Variants in RAP1A observed in about 807,000 individuals in gnomAD.
The protein encoded by RAP1A is RAP1A, member of RAS oncogene family.
A neutral mutation model predicts 26.4 loss-of-function variants in RAP1A; 6 were observed. The observed-to-expected ratio is 0.23, with a 90% CI of 0.12 to 0.45. The LOEUF (loss-of-function observed/expected upper bound fraction) is 0.45, where lower values mean the gene tolerates loss of function less well. Ranked by LOEUF, RAP1A falls within the 20% of genes least tolerant of loss-of-function variation. The probability of loss-of-function intolerance (pLI) is 0.99; values close to 1 mark genes in which losing one functional copy is unlikely to be tolerated. For missense variants in RAP1A, 121 were observed against 217.2 expected, an observed-to-expected ratio of 0.56 and a Z score of 2.78; for synonymous variants, 73 against 79.4, an observed-to-expected ratio of 0.92 and a Z score of 0.43.
intron 1 of RAP1A, among the ~76,000 whole-genome samples, chr1:111,607,082 A>T (rs1263415137): frequency 1.3e-5 from 2 of 150,676 alleles, no homozygotes; most frequent in Non-Finnish European, 3.0e-5. Flanking sequence ...GGGATTTGGC[A>T]GGGTCATAGG....
At chr1:111,601,273 C>T (rs1658665464) in intron 1 of RAP1A, among the ~76,000 whole-genome samples, 1 of 152,162 alleles carries the variant, frequency 6.6e-6, no homozygotes, top group Non-Finnish European at 1.5e-5. Flanking sequence ...ATTTCAACCA[C>T]ACCGATTGTC....
At chr1:111,647,578 T>A (rs1216391062) in intron 1 of RAP1A, among the ~76,000 whole-genome samples, 1 of 151,824 alleles carries the variant, frequency 6.6e-6, no homozygotes, top group East Asian at 1.9e-4. Context: ...TATCAGGGAC[T>A]ATTATAACAT....
At chr1:111,664,474 C>T (rs1660742609) in intron 1 of RAP1A, among the ~76,000 whole-genome samples, 1 of 150,594 alleles carries the variant, frequency 6.6e-6, no homozygotes. Flanking sequence ...GCCACCTAGA[C>T]TTTTTTTTAA....
intron 1 of RAP1A, chr1:111,608,561 G>A (rs569138271): frequency 5.9e-6 from 1 of 170,242 alleles, no homozygotes; most frequent in South Asian, 1.0e-4. Flanking sequence ...GCTGGGAGGT[G>A]GAGGTTGTAG....
intron 1 of RAP1A, among the ~76,000 whole-genome samples, chr1:111,601,198 T>C (rs1310036217): frequency 1.3e-5 from 2 of 152,212 alleles, no homozygotes; most frequent in Non-Finnish European, 2.9e-5. Context: ...TGCTTCTCTT[T>C]GGTGAGGCCG....
chr1:111,625,059 G>A (rs994120193), intron 1 of RAP1A, among the ~76,000 whole-genome samples: 7 of 152,150 alleles, frequency 4.6e-5, no homozygotes, highest in Admixed American at 4.6e-4. Flanking sequence ...GTAATCATAT[G>A]TTTTAGTGTC....
At position 111,677,553 on chromosome 1, in the gene RAP1A, G is replaced by A. The variant is rs150493462; in HGVS notation, c.-27-13781G>A. On this transcript the variant is annotated intron_variant, in intron 1 of 7. Coordinates refer to ENST00000369709, the MANE Select transcript of RAP1A (RefSeq NM_002884.4). ...CGAGGCTGCAGATATTTGTTTTAAG[G>A]CTAAAATCAAGATAAGCTTCAAAGG... Among the ~76,000 whole-genome samples, 263 of 152,268 alleles carry A rather than the reference G, an allele frequency of 1.7e-3. 2 individuals carry two copies. The highest frequency in any genetic ancestry group is 5.9e-3 in the African/African-American group (246 of 41,550).
At chr1:111,709,961 C>G (rs1662325957) in intron 7 of RAP1A, among the ~76,000 whole-genome samples, 1 of 152,132 alleles carries the variant, frequency 6.6e-6, no homozygotes. Context: ...TCCTATATGT[C>G]TTTGTGCACA....
chr1:111,568,711 A>G (rs2101054013), intron 1 of RAP1A, among the ~76,000 whole-genome samples: 1 of 152,138 alleles, frequency 6.6e-6, no homozygotes, highest in South Asian at 2.1e-4. Flanking sequence ...TCACATGCAG[A>G]TTTTTTCAAT....
At chr1:111,656,032 CAA>C (rs1048669745) in intron 1 of RAP1A, among the ~76,000 whole-genome samples, 5 of 151,268 alleles carry the variant, frequency 3.3e-5, no homozygotes, top group Admixed American at 2.6e-4. Context: ...GAATATAAGA[CAA>C]AGAAAAAAAT....
At chr1:111,550,601 T>C (rs911722651) in intron 1 of RAP1A, among the ~76,000 whole-genome samples, 1 of 152,234 alleles carries the variant, frequency 6.6e-6, no homozygotes, top group African/African-American at 2.4e-5. Flanking sequence ...CCACTGTTGT[T>C]TAAGAGTTTC....
upstream of RAP1A, among the ~76,000 whole-genome samples, chr1:111,616,018 G>A (rs910343800): frequency 6.6e-6 from 1 of 152,150 alleles, no homozygotes; most frequent in Admixed American, 6.5e-5. Context: ...GAGGAAGATG[G>A]ATTAAAGGAG....
intron 1 of RAP1A, among the ~76,000 whole-genome samples, chr1:111,641,648 T>C (rs778167250): frequency 2.2e-4 from 34 of 152,116 alleles, no homozygotes; most frequent in Admixed American, 3.9e-4. Context: ...TGTGTGTGTG[T>C]GCGCGCGCAT....
Position 111,714,459 on chromosome 1 carries a change from T to C in RAP1A, c.*2058T>C, listed in dbSNP as rs1662474981. Reference sequence around the variant, plus strand: ...TTTAACAGATTAAATAGAAGTCATTTAATAAGACTCCAAGTCTCAGTCTGC... The same window carrying C: ...TTTAACAGATTAAATAGAAGTCATTCAATAAGACTCCAAGTCTCAGTCTGC... On this transcript the variant is annotated 3_prime_UTR_variant, in exon 8 of 8. Transcript: ENST00000369709. 1 of 152,248 alleles carries C rather than the reference T, an allele frequency of 6.6e-6. No individual in the cohort carries two copies. The highest frequency in any genetic ancestry group is 1.5e-5 in the Non-Finnish European group (1 of 68,044). The allele number at this position is 152,248 out of a possible 1,614,324, so 9.4% of individuals were successfully genotyped here. A position where few individuals can be genotyped will look rare whatever the true frequency, so the allele number is the denominator to read the frequency against.
chr1:111,648,226 A>G (rs1231603128), intron 1 of RAP1A: 2 of 426,700 alleles, frequency 4.7e-6, no homozygotes, highest in Non-Finnish European at 4.2e-6. Context: ...TTTGACTTCC[A>G]GTGACCTTTG....
intron 1 of RAP1A, chr1:111,648,985 G>T: frequency 1.6e-6 from 1 of 632,200 alleles, no homozygotes; most frequent in East Asian, 3.5e-5. Flanking sequence ...TCTGGCTTCA[G>T]CTGCAGCCAA....
upstream of RAP1A, among the ~76,000 whole-genome samples, chr1:111,617,421 C>T (rs940881310): frequency 3.3e-5 from 5 of 152,148 alleles, no homozygotes; most frequent in African/African-American, 9.7e-5. Flanking sequence ...GTTGTCTCCT[C>T]TTGCCTTCTG....
chr1:111,685,762 T>A (rs1661451925), intron 1 of RAP1A, among the ~76,000 whole-genome samples: 1 of 152,126 alleles, frequency 6.6e-6, no homozygotes, highest in Admixed American at 6.5e-5. Context: ...AACCCAGCAA[T>A]CCCATTACTG....
At chr1:111,648,254 C>G (rs900267762) in intron 1 of RAP1A, 146 of 690,772 alleles carry the variant, frequency 2.1e-4, no homozygotes, top group Non-Finnish European at 2.8e-4. Flanking sequence ...TATTGGCTTC[C>G]TGCTCCCCAA....
Sources: allele counts gnomAD v4.1 joint callset (sites outside exome capture counted in the v4.1 genomes callset), GRCh38; gene constraint gnomAD v4.1.1; transcripts MANE v1.5; gene names NCBI Gene and HGNC (gene_info 2026-07-23, HGNC 2026-07-21).